The following CNTN5 variants were observed in gnomAD, a reference collection of about 807,000 sequenced individuals.
CNTN5 encodes contactin 5.
Under a neutral mutation model 129.1 loss-of-function variants are expected in CNTN5, and 77 were observed. The observed-to-expected ratio is 0.60, with a 90% CI of 0.50 to 0.72. CNTN5 has a LOEUF of 0.72. Ranked by LOEUF, CNTN5 falls within the 30% of genes least tolerant of loss-of-function variation. CNTN5 has a pLI of 0.00. For missense variants in CNTN5, 1,478 were observed against 1,328.8 expected, an observed-to-expected ratio of 1.11 and a Z score of -1.75; for synonymous variants, 509 against 465.6, an observed-to-expected ratio of 1.09 and a Z score of -1.20.
At chr11:99,783,646 A>G (rs1238790967) in intron 3 of CNTN5, among the ~76,000 whole-genome samples, 1 of 138,496 alleles carries the variant, frequency 7.2e-6, no homozygotes, top group Non-Finnish European at 1.6e-5. Context: ...AGCCATAAAA[A>G]AGGATGAGTT....
At chr11:100,309,464 T>C in intron 21 of CNTN5, 1 of 968,896 alleles carries the variant, frequency 1.0e-6, no homozygotes, top group South Asian at 4.8e-5. Context: ...GAACAATTTA[T>C]GGGAAACCAT....
At position 100,340,582 on chromosome 11, in the gene CNTN5, G is replaced by T. The variant is rs1952136361; in HGVS notation, c.2850G>T (p.Val950=). ...GAAATACGTTATATCACTTCACAGTGAGGGCTTACAATGGAGCTGGATATG... is the reference window on the plus strand; with the variant it reads ...GAAATACGTTATATCACTTCACAGTTAGGGCTTACAATGGAGCTGGATATG... ...LEGNTLYHFT[V]RAYNGAGYGP... Residue 950 remains valine, a synonymous_variant, in exon 22 of 25, where the codon GTG becomes GTT. Transcript: ENST00000524871. 6.2e-7 allele frequency: 1 copy of T among 1,613,400 alleles called. No homozygotes were observed. The highest frequency in any genetic ancestry group is 8.5e-7 in the Non-Finnish European group (1 of 1,179,670).
chr11:99,764,647 C>G (rs940384424), intron 3 of CNTN5, among the ~76,000 whole-genome samples: 6 of 152,160 alleles, frequency 3.9e-5, no homozygotes, highest in Non-Finnish European at 7.3e-5. Flanking sequence ...AACTCCCGAT[C>G]TCAGGTGATC....
chr11:99,620,025 CA>C (rs779644229), intron 3 of CNTN5, among the ~76,000 whole-genome samples: 16 of 67,902 alleles, frequency 2.4e-4, no homozygotes, highest in Middle Eastern at 8.8e-3. Context: ...GACTCCGTCT[CA>C]AAAAAAAAAA....
chr11:99,276,426 GA>G (rs1565456411), intron 1 of CNTN5, among the ~76,000 whole-genome samples: 1 of 151,352 alleles, frequency 6.6e-6, no homozygotes. Context: ...TTTGAATTTC[GA>G]ATAGCATCTG....
At chr11:99,624,204 G>A (rs766648445) in intron 3 of CNTN5, among the ~76,000 whole-genome samples, 6 of 151,696 alleles carry the variant, frequency 4.0e-5, no homozygotes, top group Non-Finnish European at 7.4e-5. Context: ...ATTTCTCGGT[G>A]CCCTTCTGTG....
intron 4 of CNTN5, among the ~76,000 whole-genome samples, chr11:99,830,555 G>A (rs1232717706): frequency 6.6e-6 from 1 of 152,082 alleles, no homozygotes; most frequent in Admixed American, 6.6e-5. Context: ...AGCACAAAAT[G>A]TGATCTTTTA....
At chr11:99,210,271 C>T (rs1400701209) in intron 1 of CNTN5, among the ~76,000 whole-genome samples, 2 of 152,174 alleles carry the variant, frequency 1.3e-5, no homozygotes, top group African/African-American at 4.8e-5. Context: ...ATTTGCACTA[C>T]CCTAACCTTC....
intron 1 of CNTN5, among the ~76,000 whole-genome samples, chr11:99,142,316 G>GGTGAA (rs71046670): frequency 0.91 from 138,161 of 151,856 alleles, 63,123 homozygotes; most frequent in East Asian, 0.99. Context: ...GTGGTGGCGA[G>GGTGAA]GTCTGTGTGT....
chr11:99,326,260 A>G (rs964259061), intron 2 of CNTN5, among the ~76,000 whole-genome samples: 19 of 152,356 alleles, frequency 1.2e-4, no homozygotes, highest in Admixed American at 5.2e-4. Context: ...TACTTTTTAG[A>G]TAATCAACCA....
chr11:99,062,212 T>G (rs1864913285), intron 1 of CNTN5, among the ~76,000 whole-genome samples: 1 of 152,070 alleles, frequency 6.6e-6, no homozygotes, highest in African/African-American at 2.4e-5. Flanking sequence ...CAGACCTAAC[T>G]AAATCTAAAG....
At chr11:99,736,766 CTA>C (rs1160464966) in intron 3 of CNTN5, among the ~76,000 whole-genome samples, 4 of 152,076 alleles carry the variant, frequency 2.6e-5, no homozygotes, top group African/African-American at 9.6e-5. Context: ...GTATCTATAT[CTA>C]TAAAATAGAG....
chr11:100,074,649 T>G (rs1018137792), intron 13 of CNTN5, among the ~76,000 whole-genome samples: 8 of 152,210 alleles, frequency 5.3e-5, no homozygotes, highest in Non-Finnish European at 7.3e-5. Flanking sequence ...TTAATTTGAT[T>G]TTAATACAAA....
At chr11:99,219,652 T>C (rs148295885) in intron 1 of CNTN5, among the ~76,000 whole-genome samples, 3 of 127,200 alleles carry the variant, frequency 2.4e-5, no homozygotes, top group African/African-American at 9.0e-5. Flanking sequence ...TTGTCTTACT[T>C]TGAGTAAGAT....
intron 3 of CNTN5, among the ~76,000 whole-genome samples, chr11:99,673,333 C>A (rs1029424731): frequency 6.6e-6 from 1 of 152,140 alleles, no homozygotes; most frequent in Non-Finnish European, 1.5e-5. Flanking sequence ...CACTACCAAT[C>A]TTACAGTCCT....
At position 100,074,215 on chromosome 11, in the gene CNTN5, A is replaced by G. The variant is rs768462000; in HGVS notation, c.1501A>G (p.Ile501Val). 6.2e-7 allele frequency: 1 copy of G among 1,612,282 alleles called. No homozygotes were observed. ...IIVTKDQEVV[I>V]ECKPQGSPKP... Reference sequence around the variant, plus strand: ...TGTTACCAAAGACCAAGAAGTTGTCATAGAGTGCAAACCCCAAGGCTCTCC... The same window carrying G: ...TGTTACCAAAGACCAAGAAGTTGTCGTAGAGTGCAAACCCCAAGGCTCTCC... The change falls in exon 13 of 25, where the codon ATA (isoleucine) becomes GTA (valine). Residue 501 changes from isoleucine to valine, a missense_variant. By Grantham distance (29) the Ile-to-Val change is conservative. Transcript: ENST00000524871.
chr11:100,106,321 G>T (rs1029321958), intron 13 of CNTN5, among the ~76,000 whole-genome samples: 1 of 152,198 alleles, frequency 6.6e-6, no homozygotes, highest in Non-Finnish European at 1.5e-5. Context: ...ACCGGCATAT[G>T]ATATCTAGCT....
intron 3 of CNTN5, among the ~76,000 whole-genome samples, chr11:99,654,758 A>T (rs762842291): frequency 8.6e-5 from 13 of 151,808 alleles, no homozygotes; most frequent in Non-Finnish European, 1.5e-4. Flanking sequence ...AATCAATTAA[A>T]CAAATCTTAG....
At position 100,309,218 on chromosome 11, in the gene CNTN5, T is replaced by A. The variant is rs933625520; in HGVS notation, c.2730+750T>A. On this transcript the variant is annotated intron_variant, in intron 21 of 24. Transcript: ENST00000524871. ...AAGACTTTAGTTGCATTTAAAAAAATTTATTCTTACTTTTCCTCTGCTTCA... is the reference window on the plus strand; with the variant it reads ...AAGACTTTAGTTGCATTTAAAAAAAATTATTCTTACTTTTCCTCTGCTTCA... 14 of 984,814 alleles carry A rather than the reference T, an allele frequency of 1.4e-5. 1 individual carries two copies. The highest frequency in any genetic ancestry group is 1.0e-3 in the Middle Eastern group (2 of 1,936). The allele number at this position is 984,814 out of a possible 1,614,324, so 61.0% of individuals were successfully genotyped here. A position where few individuals can be genotyped will look rare whatever the true frequency, so the allele number is the denominator to read the frequency against.
Sources: allele counts gnomAD v4.1 joint callset (sites outside exome capture counted in the v4.1 genomes callset), GRCh38; gene constraint gnomAD v4.1.1; transcripts MANE v1.5; gene names NCBI Gene and HGNC (gene_info 2026-07-23, HGNC 2026-07-21).